The following HHAT variants were observed in gnomAD, a reference collection of about 807,000 sequenced individuals.
HHAT encodes hedgehog acyltransferase.
HHAT carries 47 observed loss-of-function variants against 70.8 expected under a neutral mutation model. The observed-to-expected ratio is 0.66, with a 90% CI of 0.53 to 0.85. The LOEUF is 0.85. Among genes scored for constraint, HHAT ranks in the 40% least tolerant of loss-of-function variants. The pLI is 0.00. For synonymous variants in HHAT, 228 were observed against 247.6 expected (o/e 0.92, Z 0.74); for missense variants, 609 against 604.8 (o/e 1.01, Z -0.07).
At chr1:210,348,255 T>C (rs1016430488) in intron 1 of HHAT, among the ~76,000 whole-genome samples, 3 of 152,002 alleles carry the variant, frequency 2.0e-5, no homozygotes, top group Non-Finnish European at 4.4e-5. Flanking sequence ...AGACAGCTGA[T>C]TTTAAGTTTT....
chr1:210,637,232 T>C (rs1672040544), intron 11 of HHAT, among the ~76,000 whole-genome samples: 1 of 152,186 alleles, frequency 6.6e-6, no homozygotes, highest in East Asian at 1.9e-4. Context: ...AAGAATGAAG[T>C]TGGATCCATA....
At chr1:210,331,599 G>C (rs959521143) in intron 1 of HHAT, among the ~76,000 whole-genome samples, 4 of 152,152 alleles carry the variant, frequency 2.6e-5, no homozygotes, top group Admixed American at 2.0e-4. Context: ...TTTGTAGTTG[G>C]GAAGTAATGC....
chr1:210,338,558 A>C (rs529265394), intron 1 of HHAT, among the ~76,000 whole-genome samples: 1 of 152,352 alleles, frequency 6.6e-6, no homozygotes, highest in East Asian at 1.9e-4. Context: ...ACTATGCCTA[A>C]GGCACTGTTT....
chr1:210,649,230 C>A (rs893669325), intron 11 of HHAT, among the ~76,000 whole-genome samples: 1 of 152,214 alleles, frequency 6.6e-6, no homozygotes, highest in Non-Finnish European at 1.5e-5. Context: ...TCTGGCTCCC[C>A]TCTGACCACT....
At chr1:210,400,776 G>T (rs996284054) in intron 5 of HHAT, 114 bp downstream of exon 5, 2 of 939,946 alleles carry the variant, frequency 2.1e-6, no homozygotes, top group Non-Finnish European at 3.2e-6. Flanking sequence ...CTGTGATGGG[G>T]CTCCCCATAG....
intron 11 of HHAT, among the ~76,000 whole-genome samples, chr1:210,672,994 C>G (rs1680394111): frequency 6.6e-6 from 1 of 152,078 alleles, no homozygotes; most frequent in East Asian, 1.9e-4. Flanking sequence ...TCGTTCGTTT[C>G]TTTTAACACA....
rs527593183 is a variant in HHAT, at chr1:210,346,042, C to A, written c.-43-2891C>A. Among the ~76,000 whole-genome samples, 6 of 147,922 alleles carry A rather than the reference C, an allele frequency of 4.1e-5. No individual in the cohort carries two copies. In the South Asian group the frequency reaches 1.3e-3, roughly 32 times the overall value. ...TCATGCCACTGCACTCCTGCTTGGG[C>A]AACAGAGCAAGACCCTGTCTCCAGG... On this transcript the variant is annotated intron_variant, in intron 1 of 11. Transcript: ENST00000261458.
At chr1:210,626,145 G>C (rs985522305) in intron 11 of HHAT, among the ~76,000 whole-genome samples, 1 of 152,238 alleles carries the variant, frequency 6.6e-6, no homozygotes, top group African/African-American at 2.4e-5. Flanking sequence ...CCACGGAGCT[G>C]TGTAGAATGA....
intron 2 of HHAT, among the ~76,000 whole-genome samples, chr1:210,362,256 C>G (rs920986394): frequency 8.7e-6 from 1 of 114,356 alleles, no homozygotes; most frequent in Non-Finnish European, 1.9e-5. Flanking sequence ...TTTTTCTTTT[C>G]TTTTTTGAGA....
chr1:210,484,489 A>G (rs1053567044), intron 8 of HHAT, among the ~76,000 whole-genome samples: 3 of 114,308 alleles, frequency 2.6e-5, no homozygotes, highest in African/African-American at 1.3e-4. Flanking sequence ...CTGTTACCAT[A>G]GCTACTTTTT....
intron 1 of HHAT, among the ~76,000 whole-genome samples, chr1:210,334,986 T>C (rs1177860947): frequency 6.6e-6 from 1 of 152,220 alleles, no homozygotes; most frequent in Admixed American, 6.5e-5. Flanking sequence ...CAGATGGCTT[T>C]ACTAGTGAAA....
At position 210,404,538 on chromosome 1, in the gene HHAT, C is replaced by T; in HGVS notation, c.543C>T (p.Thr181=). 6.2e-7 allele frequency: 1 copy of T among 1,613,856 alleles called. No individual in the cohort carries two copies. The highest frequency in any genetic ancestry group is 8.5e-7 in the Non-Finnish European group (1 of 1,179,918). Residue 181 remains threonine, a synonymous_variant, in exon 6 of 12, where the codon ACC becomes ACT. Coordinates refer to ENST00000261458, the MANE Select transcript of HHAT (RefSeq NM_018194.6). ...TGACCGTTCGCTGCCTGTACTACAC[C>T]AGCTTCAGCCTGGAGCTCTGCTGGC... is the stretch of plus-strand genomic sequence containing the variant. ...FTLTVRCLYY[T]SFSLELCWQQ...
rs113781019 is a variant in HHAT at position 210,476,288 on chromosome 1, A to G, written c.1007+11633A>G. 4.7e-3 allele frequency among the ~76,000 whole-genome samples: 712 copies of G among 152,338 alleles called. 5 individuals are homozygous for G. Among genetic ancestry groups the G allele is most frequent in the African/African-American group, 0.016 (667 of 41,566 alleles). ...ACATTCAAAGACTTTCTCTTGGTAT[A>G]CTAACAAATTCTCTGATACTGTCCA... On this transcript the variant is annotated intron_variant, in intron 8 of 11. Transcript: ENST00000261458.
At chr1:210,530,554 A>T (rs181101950) in intron 9 of HHAT, among the ~76,000 whole-genome samples, 1 of 152,308 alleles carries the variant, frequency 6.6e-6, no homozygotes, top group Admixed American at 6.5e-5. Context: ...GCCTGTGGGA[A>T]TGAGGAGTAC....
chr1:210,578,779 A>G (rs2148760229), intron 9 of HHAT, among the ~76,000 whole-genome samples: 1 of 152,366 alleles, frequency 6.6e-6, no homozygotes, highest in South Asian at 2.1e-4. Flanking sequence ...AGGCGAAATA[A>G]GCCCATAACA....
intron 7 of HHAT, among the ~76,000 whole-genome samples, chr1:210,444,980 C>T (rs1044940105): frequency 3.9e-5 from 6 of 152,152 alleles, no homozygotes; most frequent in South Asian, 2.1e-4. Context: ...GATGGGATTA[C>T]AGGTATGCAC....
intron 9 of HHAT, among the ~76,000 whole-genome samples, chr1:210,582,544 C>A (rs1474027249): frequency 2.6e-5 from 4 of 152,144 alleles, no homozygotes; most frequent in Non-Finnish European, 5.9e-5. Flanking sequence ...AGAAGTGTTG[C>A]GATTTTAAGA....
chr1:210,332,335 C>T (rs529360213), intron 1 of HHAT, among the ~76,000 whole-genome samples: 2 of 152,350 alleles, frequency 1.3e-5, no homozygotes, highest in South Asian at 2.1e-4. Flanking sequence ...GACATATCCT[C>T]GTGCACCTAA....
At chr1:210,665,184 A>T (rs1236713503) in intron 11 of HHAT, among the ~76,000 whole-genome samples, 1 of 152,232 alleles carries the variant, frequency 6.6e-6, no homozygotes, top group African/African-American at 2.4e-5. Context: ...TAAGAATCAT[A>T]TTAGGTTGGT....
Sources: allele counts gnomAD v4.1 joint callset (sites outside exome capture counted in the v4.1 genomes callset), GRCh38; gene constraint gnomAD v4.1.1; transcripts MANE v1.5; gene names NCBI Gene and HGNC (gene_info 2026-07-23, HGNC 2026-07-21).